SRPX: variants seen among roughly 807,000 people sequenced by gnomAD.
SRPX encodes sushi repeat-containing protein SRPX.
A neutral mutation model predicts 38.1 loss-of-function variants in SRPX; 24 were observed. The ratio of observed to expected loss-of-function variants is 0.63; its 90% CI spans 0.46 to 0.89. The LOEUF is 0.89. SRPX is among the 40% of genes least tolerant of loss of function. The probability of loss-of-function intolerance (pLI) is 0.00; values close to 1 mark genes in which losing one functional copy is unlikely to be tolerated. For synonymous variants in SRPX, 184 were observed against 153.8 expected (o/e 1.20, Z -1.45); for missense variants, 416 against 377.8 (o/e 1.10, Z -0.84).
In SRPX at chrX:38,182,229, G is replaced by A. The variant is rs751249888; in HGVS notation, c.98-3885C>T. On this transcript the variant is annotated intron_variant, in intron 1 of 9. Transcript: ENST00000378533. ...CCAGTAAATGGTAAATCAGGGATTCGAATCCTGTCTGCCTGGCCTTCAAAT... is the reference window on the plus strand; with the variant it reads ...CCAGTAAATGGTAAATCAGGGATTCAAATCCTGTCTGCCTGGCCTTCAAAT... Among the ~76,000 whole-genome samples the A allele has an allele frequency of 1.8e-4, 20 of 112,225 alleles. 1 individual carries two copies. Among genetic ancestry groups the A allele is most frequent in the Admixed American group, 1.5e-3 (16 of 10,627 alleles).
At chrX:38,156,095 G>A (rs1251330248) in intron 8 of SRPX, among the ~76,000 whole-genome samples, 1 of 112,091 alleles carries the variant, frequency 8.9e-6, no homozygotes, top group African/African-American at 3.2e-5. Flanking sequence ...GAATAAAATA[G>A]TCTCAAAAAA....
chrX:38,203,870 G>A (rs911684798), intron 1 of SRPX, among the ~76,000 whole-genome samples: 9 of 112,358 alleles, frequency 8.0e-5, no homozygotes, highest in Admixed American at 4.7e-4. Flanking sequence ...TCAAAGAATC[G>A]ACAAAATAAC....
chrX:38,218,426 A>G (rs1939454294), intron 1 of SRPX, among the ~76,000 whole-genome samples: 1 of 112,747 alleles, frequency 8.9e-6, no homozygotes, highest in Admixed American at 9.3e-5. Context: ...TAGACACTGC[A>G]TCTTTGCTAG....
At chrX:38,179,719 T>C (rs757052872) in intron 1 of SRPX, among the ~76,000 whole-genome samples, 1 of 111,799 alleles carries the variant, frequency 8.9e-6, no homozygotes, top group Admixed American at 9.5e-5. Flanking sequence ...GAAGCCCAAT[T>C]CTGTATTTTC....
At chrX:38,151,017 T>G (rs1446700759) in intron 9 of SRPX, among the ~76,000 whole-genome samples, 2 of 112,162 alleles carry the variant, frequency 1.8e-5, no homozygotes, top group African/African-American at 6.5e-5. Context: ...GGATTTAAAG[T>G]AAAATATGTT....
At chrX:38,177,850 G>C (rs1938593325) in intron 2 of SRPX, among the ~76,000 whole-genome samples, 1 of 112,086 alleles carries the variant, frequency 8.9e-6, no homozygotes, top group Admixed American at 9.5e-5. Flanking sequence ...GGCTCAGAAA[G>C]AGCACGATGA....
intron 3 of SRPX, 42 bp from the exon 4 acceptor site, chrX:38,172,099 T>C (rs769896642): frequency 3.4e-6 from 4 of 1,170,698 alleles, no homozygotes; most frequent in Non-Finnish European, 4.6e-6. Context: ...TCTTAGTTTT[T>C]GTCTATAGAG....
intron 1 of SRPX, among the ~76,000 whole-genome samples, chrX:38,217,878 T>C (rs1939444850): frequency 8.9e-6 from 1 of 112,323 alleles, no homozygotes; most frequent in Non-Finnish European, 1.9e-5. Context: ...AACATTGTAC[T>C]GTACTGAAAG....
At chrX:38,197,291 A>G (rs1001145340) in intron 1 of SRPX, among the ~76,000 whole-genome samples, 1 of 112,500 alleles carries the variant, frequency 8.9e-6, no homozygotes, top group Admixed American at 9.4e-5. Context: ...CCACATTGTG[A>G]GCCAGCAGGT....
At chrX:38,176,291 A>G (rs966751822) in intron 2 of SRPX, among the ~76,000 whole-genome samples, 3 of 111,522 alleles carry the variant, frequency 2.7e-5, no homozygotes, top group African/African-American at 6.5e-5. Context: ...CACTCAATTA[A>G]TATGAATATA....
At chrX:38,153,052 C>T (rs1938046662) in intron 9 of SRPX, among the ~76,000 whole-genome samples, 1 of 111,771 alleles carries the variant, frequency 8.9e-6, no homozygotes, top group South Asian at 3.7e-4. Context: ...AATTTTGAGT[C>T]ATTTACTCCA....
chrX:38,186,574 T>G (rs936652600), intron 1 of SRPX, among the ~76,000 whole-genome samples: 1 of 112,145 alleles, frequency 8.9e-6, no homozygotes, highest in Non-Finnish European at 1.9e-5. Context: ...CAGCCTTGGT[T>G]TAATAGTCTT....
chrX:38,164,884 G>A lies in SRPX; in HGVS notation c.538C>T (p.Pro180Ser), dbSNP rs1938335798. The A allele has an allele frequency of 8.3e-7, 1 of 1,207,622 alleles. No homozygotes were observed. Among genetic ancestry groups the A allele is most frequent in the Non-Finnish European group, 1.1e-6 (1 of 894,376 alleles). The change falls in exon 5 of 10, where the codon CCT (proline) becomes TCT (serine). Residue 180 changes from proline (P) to serine (S), a missense_variant. Physicochemically the swap from Pro to Ser is moderately conservative, Grantham distance 74 (BLOSUM62 -1). Coordinates refer to ENST00000378533, the MANE Select transcript of SRPX (RefSeq NM_006307.5). ...RPASCVDMEP[P>S]RIKCPSVKER... Reference sequence around the variant, plus strand: ...TTCACACTTGGGCACTTGATTCTAGGAGGTTCCATATCTGAAAATATAACC... The same window carrying A: ...TTCACACTTGGGCACTTGATTCTAGAAGGTTCCATATCTGAAAATATAACC...
chrX:38,214,711 A>G lies in SRPX; in HGVS notation c.97+5985T>C, dbSNP rs147802995. On this transcript the variant is annotated intron_variant, in intron 1 of 9. Coordinates refer to ENST00000378533, the MANE Select transcript of SRPX (RefSeq NM_006307.5). ...ATGTCTGTCAGAGTTCCTATAAGGAATTGCCACTTTGTGGGCAGAATCTCA... is the reference window on the plus strand; with the variant it reads ...ATGTCTGTCAGAGTTCCTATAAGGAGTTGCCACTTTGTGGGCAGAATCTCA... Among the ~76,000 whole-genome samples, 83 of 112,017 alleles carry G rather than the reference A, an allele frequency of 7.4e-4. No homozygotes were observed. In the East Asian group the frequency reaches 9.3e-3, roughly 12 times the overall value.
At chrX:38,183,007 T>C (rs1363878150) in intron 1 of SRPX, among the ~76,000 whole-genome samples, 1 of 111,420 alleles carries the variant, frequency 9.0e-6, no homozygotes, top group Admixed American at 9.6e-5. Flanking sequence ...TGTATGCATA[T>C]AAACTGATAC....
At chrX:38,198,962 C>T (rs977683743) in intron 1 of SRPX, among the ~76,000 whole-genome samples, 5 of 111,234 alleles carry the variant, frequency 4.5e-5, no homozygotes, top group African/African-American at 1.3e-4. Flanking sequence ...ACTATCCTGA[C>T]GTCTACAGGC....
chrX:38,159,915 A>C, intron 7 of SRPX, 102 bp downstream of exon 7: 1 of 955,697 alleles, frequency 1.0e-6, no homozygotes, highest in Non-Finnish European at 1.4e-6. Flanking sequence ...AGGGATGGCC[A>C]TGAACTTCTC....
At chrX:38,220,643 C>T (rs1353773828) in intron 1 of SRPX, 53 bp downstream of exon 1, 2 of 1,178,960 alleles carry the variant, frequency 1.7e-6, no homozygotes, top group African/African-American at 3.6e-5. Flanking sequence ...CCAACGGCGA[C>T]TCCGGGGGTC....
At chrX:38,164,064 C>A (rs1938313890) in intron 5 of SRPX, among the ~76,000 whole-genome samples, 1 of 111,552 alleles carries the variant, frequency 9.0e-6, no homozygotes, top group Non-Finnish European at 1.9e-5. Context: ...CTTCTCACCA[C>A]CCCTTCTTTT....
Sources: allele counts gnomAD v4.1 joint callset (sites outside exome capture counted in the v4.1 genomes callset), GRCh38; gene constraint gnomAD v4.1.1; transcripts MANE v1.5; gene names NCBI Gene and HGNC (gene_info 2026-07-23, HGNC 2026-07-21).